ACP3: variants seen among roughly 807,000 people sequenced by gnomAD.
ACP3 encodes prostatic acid phosphatase.
ACP3 carries 38 observed loss-of-function variants against 45.6 expected under a neutral mutation model. The ratio of observed to expected loss-of-function variants is 0.83; its 90% CI spans 0.64 to 1.09. The LOEUF is 1.09. Among genes scored for constraint, ACP3 ranks in the 50% least tolerant of loss-of-function variants. The pLI is 0.00. For synonymous variants in ACP3, 162 were observed against 164.7 expected (o/e 0.98, Z 0.13); for missense variants, 466 against 463.2 (o/e 1.01, Z -0.05).
intron 2 of ACP3, among the ~76,000 whole-genome samples, chr3:132,329,913 C>CTT (rs59644798): frequency 2.7e-3 from 325 of 119,886 alleles, no homozygotes; most frequent in Middle Eastern, 4.3e-3. Context: ...TGTCTAGGTA[C>CTT]TTTTTTTTTT....
At chr3:132,341,905 A>C (rs1449743721) in intron 5 of ACP3, among the ~76,000 whole-genome samples, 3 of 152,268 alleles carry the variant, frequency 2.0e-5, no homozygotes, top group Non-Finnish European at 4.4e-5. Context: ...TGCCAATTTC[A>C]GCAGTCAGAT....
At chr3:132,347,789 T>A (rs1459291431) in intron 7 of ACP3, among the ~76,000 whole-genome samples, 3 of 151,500 alleles carry the variant, frequency 2.0e-5, no homozygotes, top group African/African-American at 7.3e-5. Flanking sequence ...AGTCTAGAAT[T>A]TTTATTTCAT....
chr3:132,352,994 G>A (rs1335000703), intron 9 of ACP3, among the ~76,000 whole-genome samples, 171 bp downstream of exon 9: 1 of 151,956 alleles, frequency 6.6e-6, no homozygotes, highest in Non-Finnish European at 1.5e-5. Context: ...TCTTTTTCAT[G>A]AAGACTTTTA....
In ACP3 at chr3:132,355,646, T is replaced by C. The variant is rs913839521; in HGVS notation, c.969-1040T>C. On this transcript the variant is annotated intron_variant, in intron 9 of 9. Coordinates refer to ENST00000336375, the MANE Select transcript of ACP3 (RefSeq NM_001099.5). Reference sequence around the variant, plus strand: ...GATTCTCCCGCCCCAGCCTCCCAAATAGCTGGGACTATAGGCATGTGCCAC... The same window carrying C: ...GATTCTCCCGCCCCAGCCTCCCAAACAGCTGGGACTATAGGCATGTGCCAC... 2.6e-5 allele frequency among the ~76,000 whole-genome samples: 4 copies of C among 152,074 alleles called. No individual in the cohort carries two copies. In the East Asian group the frequency reaches 7.7e-4, roughly 29 times the overall value.
At chr3:132,342,712 G>A in intron 6 of ACP3, 68 bp downstream of exon 6, 6 of 956,582 alleles carry the variant, frequency 6.3e-6, no homozygotes, top group Non-Finnish European at 9.5e-6. Context: ...TTTTGAAATA[G>A]ATGAATATCT....
chr3:132,358,612 G>A lies in ACP3; in HGVS notation c.*1734G>A. On this transcript the variant is annotated 3_prime_UTR_variant, in exon 10 of 10. Transcript: ENST00000336375. ...GCTCCTGGTTGGTCACAGAATGACTGACAAAGACATCGATTGATATGCTTC... is the reference window on the plus strand; with the variant it reads ...GCTCCTGGTTGGTCACAGAATGACTAACAAAGACATCGATTGATATGCTTC... The A allele has an allele frequency of 9.3e-7, 1 of 1,069,948 alleles. No homozygotes were observed. The highest frequency in any genetic ancestry group is 1.1e-6 in the Non-Finnish European group (1 of 871,540). The allele number at this position is 1,069,948 out of a possible 1,614,324, so 66.3% of individuals were successfully genotyped here.
chr3:132,324,154 G>A (rs562155293), intron 1 of ACP3, among the ~76,000 whole-genome samples: 52 of 147,084 alleles, frequency 3.5e-4, no homozygotes, highest in Admixed American at 2.7e-4. Flanking sequence ...GGAGGCAGAG[G>A]TTGCAGTGAG....
At chr3:132,337,811 AGGT>A (rs1171251134) in intron 5 of ACP3, among the ~76,000 whole-genome samples, 1 of 152,222 alleles carries the variant, frequency 6.6e-6, no homozygotes, top group African/African-American at 2.4e-5. Context: ...GAGAGGAACC[AGGT>A]GTGAGTAAAT....
chr3:132,353,745 G>T (rs990499432), intron 9 of ACP3, among the ~76,000 whole-genome samples: 8 of 152,144 alleles, frequency 5.3e-5, no homozygotes, highest in African/African-American at 1.9e-4. Flanking sequence ...GATCTGCTGT[G>T]GCCATCTTTA....
In ACP3 at chr3:132,332,164, C is replaced by T. The variant is rs755294466; in HGVS notation, c.304-28C>T. The T allele has an allele frequency of 1.5e-5, 24 of 1,613,684 alleles. No individual in the cohort carries two copies. In the South Asian group the frequency reaches 1.5e-4, roughly 10 times the overall value. On this transcript the variant is annotated intron_variant, in intron 3 of 9. Transcript: ENST00000336375. ...AAAAACCTCATGCTCCCTTTACGTT[C>T]GCTTCTGCTTTGATTTTCCTACTCT...
chr3:132,318,291 T>C (rs1937144462), intron 1 of ACP3, among the ~76,000 whole-genome samples: 1 of 152,232 alleles, frequency 6.6e-6, no homozygotes, highest in African/African-American at 2.4e-5. Context: ...TATCTTTTTT[T>C]CCTTCTGTTT....
chr3:132,359,376 C>T (rs369212098), downstream of ACP3, among the ~76,000 whole-genome samples: 17 of 152,112 alleles, frequency 1.1e-4, no homozygotes, highest in South Asian at 4.2e-4. Flanking sequence ...GGCATGGTGG[C>T]GGGCACCTGT....
chr3:132,321,440 C>G (rs2107791498), intron 1 of ACP3, among the ~76,000 whole-genome samples: 1 of 152,276 alleles, frequency 6.6e-6, no homozygotes, highest in African/African-American at 2.4e-5. Flanking sequence ...GGCTCCTAAT[C>G]ACTGTATCCA....
intron 7 of ACP3, among the ~76,000 whole-genome samples, chr3:132,348,009 TAA>T (rs1398338247): frequency 6.6e-6 from 1 of 152,130 alleles, no homozygotes; most frequent in Non-Finnish European, 1.5e-5. Context: ...GTTTTGTAAA[TAA>T]AGTTTTATTG....
At chr3:132,334,691 C>A (rs1937461000) in intron 4 of ACP3, among the ~76,000 whole-genome samples, 1 of 152,060 alleles carries the variant, frequency 6.6e-6, no homozygotes, top group Non-Finnish European at 1.5e-5. Flanking sequence ...TTCTTCTGTG[C>A]CCAGAGTTCA....
chr3:132,360,547 T>A (rs902760388), downstream of ACP3, among the ~76,000 whole-genome samples: 1 of 152,198 alleles, frequency 6.6e-6, no homozygotes, highest in Non-Finnish European at 1.5e-5. Flanking sequence ...ATCAATTAAA[T>A]TCACCAGAGT....
intron 5 of ACP3, 52 bp from the exon 6 acceptor site, chr3:132,342,500 C>T: frequency 3.1e-6 from 4 of 1,270,866 alleles, no homozygotes; most frequent in Non-Finnish European, 4.5e-6. Flanking sequence ...ATCAATAATG[C>T]TGAAGCTGAG....
At chr3:132,323,986 G>A (rs1357992988) in intron 1 of ACP3, among the ~76,000 whole-genome samples, 5 of 152,246 alleles carry the variant, frequency 3.3e-5, no homozygotes, top group Non-Finnish European at 7.3e-5. Flanking sequence ...GGGAGGCCAA[G>A]GCGAGTGGAT....
At chr3:132,333,633 T>A (rs1183872790) in intron 4 of ACP3, 1 of 152,656 alleles carries the variant, frequency 6.6e-6, no homozygotes, top group African/African-American at 2.4e-5. Context: ...TTTCTGCTGT[T>A]TCTTGAAAAG....
Sources: allele counts gnomAD v4.1 joint callset (sites outside exome capture counted in the v4.1 genomes callset), GRCh38; gene constraint gnomAD v4.1.1; transcripts MANE v1.5; gene names NCBI Gene and HGNC (gene_info 2026-07-23, HGNC 2026-07-21).